Variants in BUD13 observed in about 807,000 individuals in gnomAD.
BUD13 encodes the protein BUD13 homolog.
A neutral mutation model predicts 62.5 loss-of-function variants in BUD13; 47 were observed. The ratio of observed to expected loss-of-function variants is 0.75; its 90% CI spans 0.60 to 0.96. The LOEUF is 0.96. BUD13 is among the 40% of genes least tolerant of loss of function. The pLI is 0.00. For synonymous variants in BUD13, 293 were observed against 280.1 expected (o/e 1.05, Z -0.46); for missense variants, 821 against 790.9 (o/e 1.04, Z -0.46).
chr11:116,761,011 G>A, intron 4 of BUD13, 59 bp from the exon 5 acceptor site: 1 of 1,375,658 alleles, frequency 7.3e-7, no homozygotes, highest in Admixed American at 1.9e-5. Context: ...GAACTTACAT[G>A]AAATCTCCTA....
In BUD13 at chr11:116,758,389, T is replaced by C. The variant is rs775549360; in HGVS notation, c.1379A>G (p.Glu460Gly). 1.9e-5 allele frequency: 31 copies of C among 1,614,092 alleles called. No individual in the cohort carries two copies. In the East Asian group the frequency reaches 6.9e-4, roughly 36 times the overall value. The change falls in exon 7 of 10, where the codon GAA becomes GGA. Residue 460 changes from glutamate to glycine, a missense_variant. By Grantham distance (98) the Glu-to-Gly change is moderately conservative. Transcript: ENST00000260210. ...ACCAGACTTATCTCGAAATACGGTT[T>C]CAGCATATTGAAATTCAGCTGCAAA... ...MAFEAEFQYA[E>G]TVFRDKSGRK... is the part of the protein sequence containing the mutation.
intron 1 of BUD13, among the ~76,000 whole-genome samples, chr11:116,771,352 C>G (rs560071311): frequency 2.5e-4 from 38 of 152,244 alleles, no homozygotes; most frequent in Non-Finnish European, 5.3e-4. Flanking sequence ...CAGAGGCATC[C>G]TCAACACCCT....
At position 116,758,372 on chromosome 11, in the gene BUD13, T is replaced by C. The variant is rs749602870; in HGVS notation, c.1396A>G (p.Lys466Glu). Residue 466 changes from lysine (K) to glutamate (E), a missense_variant, in exon 7 of 10, where the codon AAG (lysine) becomes GAG (glutamate). Lys to Glu is a moderately conservative substitution (Grantham distance 56). Coordinates refer to ENST00000260210, the MANE Select transcript of BUD13 (RefSeq NM_032725.4). ...TTCAAATTCCTCTTACGACCAGACTTATCTCGAAATACGGTTTCAGCATAT... is the reference window on the plus strand; with the variant it reads ...TTCAAATTCCTCTTACGACCAGACTCATCTCGAAATACGGTTTCAGCATAT... Reference protein sequence around the residue: ...FQYAETVFRDKSGRKRNLKLE... With the variant: ...FQYAETVFRDESGRKRNLKLE... 10 of 1,614,140 alleles carry C rather than the reference T, an allele frequency of 6.2e-6. No homozygotes were observed. The highest frequency in any genetic ancestry group is 8.5e-6 in the Non-Finnish European group (10 of 1,180,022).
rs548333694 is a variant in BUD13, at chr11:116,758,009, G to A, written c.1500-59C>T. 96 of 1,586,706 alleles carry A rather than the reference G, an allele frequency of 6.1e-5. No individual in the cohort carries two copies. In the South Asian group the frequency reaches 7.9e-4, roughly 13 times the overall value. On this transcript the variant is annotated intron_variant, in intron 7 of 9. Coordinates refer to ENST00000260210, the MANE Select transcript of BUD13 (RefSeq NM_032725.4). ...CTGTATGACATTTCCACTTCTACAC[G>A]AGATGGACCATACTGCTAAGTTTGG...
intron 1 of BUD13, among the ~76,000 whole-genome samples, chr11:116,770,818 G>C (rs939020494): frequency 1.3e-4 from 19 of 151,210 alleles, no homozygotes; most frequent in Non-Finnish European, 2.2e-4. Flanking sequence ...TTTTGAGACA[G>C]GGTCTCACAC....
intron 2 of BUD13, among the ~76,000 whole-genome samples, chr11:116,768,642 C>T (rs1040081512): frequency 6.6e-6 from 1 of 152,002 alleles, no homozygotes; most frequent in Admixed American, 6.6e-5. Context: ...ACTAAATTGG[C>T]TCCCTAAGAT....
chr11:116,758,044 T>C, intron 7 of BUD13, 94 bp from the exon 8 acceptor site: 2 of 1,512,132 alleles, frequency 1.3e-6, no homozygotes, highest in Non-Finnish European at 1.8e-6. Context: ...GACAATCTCC[T>C]CTTTCTAGTA....
Position 116,759,110 on chromosome 11 carries a change from G to C in BUD13, c.1324C>G (p.Leu442Val), listed in dbSNP as rs1940385876. ...ATGGTTTCTTGATCCTGTTCCTTGAGCTCCTGCTGTTCTCGCTGTATGTCA... is the reference window on the plus strand; with the variant it reads ...ATGGTTTCTTGATCCTGTTCCTTGACCTCCTGCTGTTCTCGCTGTATGTCA... ...LTDIQREQQE[L>V]KEQDQETMAF... is the part of the protein sequence containing the mutation. Residue 442 changes from leucine (L) to valine (V), a missense_variant, in exon 6 of 10, where the codon CTC becomes GTC. By Grantham distance (32) the Leu-to-Val change is conservative. Around this residue, in one of 2 missense-constraint regions of BUD13, gnomAD observed 800 missense variants for 739.2 expected, o/e 1.08. Coordinates refer to ENST00000260210, the MANE Select transcript of BUD13 (RefSeq NM_032725.4). 1.9e-6 allele frequency: 3 copies of C among 1,613,390 alleles called. No individual in the cohort carries two copies. In the South Asian group the frequency reaches 3.3e-5, roughly 18 times the overall value.
At chr11:116,758,150 A>G in intron 7 of BUD13, 119 bp downstream of exon 7, 1 of 1,484,912 alleles carries the variant, frequency 6.7e-7, no homozygotes, top group Non-Finnish European at 9.1e-7. Context: ...AGCACACCAA[A>G]TTTCCCATTA....
chr11:116,757,591 C>T (rs1189211586), intron 8 of BUD13, among the ~76,000 whole-genome samples, 175 bp downstream of exon 8: 2 of 152,062 alleles, frequency 1.3e-5, no homozygotes, highest in African/African-American at 2.4e-5. Context: ...TGAGCCACTG[C>T]GCCTGGCCTG....
chr11:116,752,765 A>C (rs1383005016), intron 9 of BUD13, among the ~76,000 whole-genome samples: 1 of 152,230 alleles, frequency 6.6e-6, no homozygotes, highest in Admixed American at 6.5e-5. Flanking sequence ...CAGTCAACTT[A>C]TAGATATCTG....
intron 6 of BUD13, among the ~76,000 whole-genome samples, chr11:116,758,631 A>C (rs1940375346): frequency 7.9e-6 from 1 of 126,446 alleles, no homozygotes; most frequent in Admixed American, 1.0e-4. Flanking sequence ...TCTGTTGCCC[A>C]GGTTGGAGTG....
In BUD13 at chr11:116,772,721, A is replaced by G. The variant is rs1940653146; in HGVS notation, c.143+101T>C. ...TGAGCAGGGGTCGGCGGAGAAGCCG[A>G]GAGACCCGCCAAGAGGGAAGGAACT... On this transcript the variant is annotated intron_variant, in intron 1 of 9. Transcript: ENST00000260210. 3.6e-6 allele frequency: 5 copies of G among 1,382,110 alleles called. No homozygotes were observed. The East Asian group carries it at 1.4e-4, about 40-fold the overall frequency. 85.6% of individuals were successfully genotyped at this position (1,382,110 alleles called of 1,614,324 possible).
Position 116,748,241 on chromosome 11 carries a change from T to G in BUD13, c.*241A>C, listed in dbSNP as rs1940174261. 4.3e-6 allele frequency: 2 copies of G among 464,866 alleles called. No homozygotes were observed. Among genetic ancestry groups the G allele is most frequent in the South Asian group, 8.0e-5 (2 of 25,082 alleles). The allele number at this position is 464,866 out of a possible 1,614,324, so 28.8% of individuals were successfully genotyped here. On this transcript the variant is annotated 3_prime_UTR_variant, in exon 10 of 10. Transcript: ENST00000260210. ...AAACCCTACCAAGAACAAACCCTGG[T>G]CAATGAGAAATCAATGCTTCCTCTG... is the stretch of plus-strand genomic sequence containing the variant.
chr11:116,763,197 A>G lies in BUD13; in HGVS notation c.392T>C (p.Val131Ala). 6.3e-7 allele frequency: 1 copy of G among 1,588,934 alleles called. No individual in the cohort carries two copies. Among genetic ancestry groups the G allele is most frequent in the East Asian group, 2.2e-5 (1 of 44,566 alleles). ...AGATGGATCTGGGGTACCATGACGG[A>G]CCCTCCTAGGAGATGAATCCGGGGT... is the stretch of plus-strand genomic sequence containing the variant. ...HDTPDSSPRR[V>A]RHGTPDPSPR... Residue 131 changes from valine (V) to alanine (A), a missense_variant, in exon 4 of 10, where the codon GTC becomes GCC. Around this residue, in one of 2 missense-constraint regions of BUD13, gnomAD observed 800 missense variants for 739.2 expected, o/e 1.08. Transcript: ENST00000260210.
In BUD13 at chr11:116,770,271, T is replaced by A. The variant is rs1212602751; in HGVS notation, c.144-49A>T. On this transcript the variant is annotated intron_variant, in intron 1 of 9. Coordinates refer to ENST00000260210, the MANE Select transcript of BUD13 (RefSeq NM_032725.4). The stretch of plus-strand genomic sequence containing the variant: ...AAAGAGTCATTCTAGGATACCAGCA[T>A]AAAAACATTTATCTATTGGTTTTAA... 5.4e-6 allele frequency: 8 copies of A among 1,486,424 alleles called. No individual in the cohort carries two copies. In the Admixed American group the frequency reaches 9.8e-5, roughly 18 times the overall value. The allele number at this position is 1,486,424 out of a possible 1,614,324, so 92.1% of individuals were successfully genotyped here. A position where few individuals can be genotyped will look rare whatever the true frequency, so the allele number is the denominator to read the frequency against.
At chr11:116,752,247 C>T (rs1394309084) in intron 9 of BUD13, among the ~76,000 whole-genome samples, 2 of 152,102 alleles carry the variant, frequency 1.3e-5, no homozygotes, top group Non-Finnish European at 2.9e-5. Context: ...CACCCGGCCC[C>T]GTTTCTCTTT....
chr11:116,758,964 G>A (rs1940382400), intron 6 of BUD13, 110 bp downstream of exon 6: 1 of 756,596 alleles, frequency 1.3e-6, no homozygotes, highest in South Asian at 1.8e-5. Flanking sequence ...TAAAACCAGA[G>A]CTGAAATTTG....
chr11:116,759,377 T>C (rs928604355), intron 5 of BUD13, among the ~76,000 whole-genome samples, 198 bp from the exon 6 acceptor site: 1 of 152,212 alleles, frequency 6.6e-6, no homozygotes, highest in Non-Finnish European at 1.5e-5. Context: ...AGTTTAAGAA[T>C]AAGCAGAAAC....
Sources: gnomAD v4.1 joint callset for allele counts (sites outside exome capture counted in the v4.1 genomes callset) on GRCh38, gnomAD v4.1.1 for gene constraint, gnomAD v4.1.1 regional missense constraint, MANE v1.5 for transcripts, NCBI Gene and HGNC (gene_info 2026-07-23, HGNC 2026-07-21) for gene names.